The following ZSCAN25 variants were observed in gnomAD, a reference collection of about 807,000 sequenced individuals.
ZSCAN25 encodes zinc finger and SCAN domain containing 25, also known as zinc finger and SCAN domain-containing protein 25.
Under a neutral mutation model 38.7 loss-of-function variants are expected in ZSCAN25, and 27 were observed. The observed-to-expected ratio is 0.70, with a 90% CI of 0.51 to 0.96. The LOEUF (loss-of-function observed/expected upper bound fraction) is 0.96. ZSCAN25 is among the 40% of genes least tolerant of loss of function. ZSCAN25 has a pLI of 0.00. For synonymous variants in ZSCAN25, 273 were observed against 277.7 expected (o/e 0.98, Z 0.17); for missense variants, 637 against 705.9 (o/e 0.90, Z 1.11).
the ZSCAN25 span, chr7:99,705,431 G>A: frequency 6.5e-7 from 1 of 1,538,238 alleles, no homozygotes; most frequent in Non-Finnish European, 9.0e-7. Context: ...TATTTGTAAA[G>A]TAATTTGAGG....
the ZSCAN25 span, chr7:99,685,340 T>C: frequency 4.8e-6 from 7 of 1,450,118 alleles, no homozygotes; most frequent in African/African-American, 9.8e-5. Context: ...GCACATAGTT[T>C]GTGACCATTA....
At chr7:99,698,803 C>T in the ZSCAN25 span, among the ~76,000 whole-genome samples, 6 of 152,070 alleles carry the variant, frequency 3.9e-5, no homozygotes, top group African/African-American at 7.2e-5. Flanking sequence ...CCAAAAAATT[C>T]TGATTTAAAA....
the ZSCAN25 span, chr7:99,720,330 C>G: frequency 6.2e-7 from 1 of 1,613,214 alleles, no homozygotes; most frequent in Non-Finnish European, 8.5e-7. Context: ...TTTGTGAAGA[C>G]AGAATAACAT....
chr7:99,717,180 T>A, the ZSCAN25 span: 1 of 1,613,830 alleles, frequency 6.2e-7, no homozygotes, highest in South Asian at 1.1e-5. Flanking sequence ...TACTTACTGT[T>A]TCAAGGTGAC....
chr7:99,695,836 A>G, the ZSCAN25 span: 40 of 1,613,328 alleles, frequency 2.5e-5, 1 homozygote, highest in Non-Finnish European at 1.3e-5. Context: ...AATGGGCTCC[A>G]TATCTACAAA....
chr7:99,699,919 C>T, the ZSCAN25 span: 2 of 1,339,624 alleles, frequency 1.5e-6, no homozygotes, highest in Non-Finnish European at 2.1e-6. Flanking sequence ...GAGTAGCACC[C>T]CAAGTCCAAG....
At chr7:99,655,566 T>G in the ZSCAN25 span, among the ~76,000 whole-genome samples, 4 of 152,238 alleles carry the variant, frequency 2.6e-5, no homozygotes, top group Non-Finnish European at 4.4e-5. Context: ...ATGCGGGCTC[T>G]TTTTTGGTTC....
chr7:99,703,574 GTA>G, the ZSCAN25 span, among the ~76,000 whole-genome samples: 2 of 152,060 alleles, frequency 1.3e-5, no homozygotes, highest in Non-Finnish European at 2.9e-5. Flanking sequence ...ATCTAGAAGG[GTA>G]TGAATATACA....
chr7:99,629,246 G>T lies in ZSCAN25; in HGVS notation c.861G>T (p.Ala287=), dbSNP rs773315356. The T allele has an allele frequency of 3.7e-6, 6 of 1,614,042 alleles. No homozygotes were observed. The highest frequency in any genetic ancestry group is 5.1e-6 in the Non-Finnish European group (6 of 1,179,944). ...AKPPQEDLKG[A]LVALTSERFG... ...CCCCACAGGAAGACCTGAAAGGGGC[G>T]CTGGTGGCACTGACATCAGAGAGGT... The change falls in exon 8 of 8, where the codon GCG becomes GCT. Residue 287 remains alanine, a synonymous_variant. Transcript: ENST00000394152. This position sits in a 1 kb window ranked among gnomAD's most constrained non-coding sequence, Gnocchi z 5.6.
At chr7:99,620,616 A>G (rs1363511654) in intron 4 of ZSCAN25, 1 of 151,936 alleles carries the variant, frequency 6.6e-6, no homozygotes, top group Non-Finnish European at 1.5e-5. Context: ...TCCCGTGCAC[A>G]CTCTCGTCAC....
the ZSCAN25 span, among the ~76,000 whole-genome samples, chr7:99,649,843 G>T: frequency 6.6e-6 from 1 of 151,984 alleles, no homozygotes; most frequent in Non-Finnish European, 1.5e-5. Context: ...GGTTCAAAGA[G>T]ACTACACATA....
chr7:99,726,681 T>G, the ZSCAN25 span, among the ~76,000 whole-genome samples: 1 of 152,172 alleles, frequency 6.6e-6, no homozygotes, highest in Non-Finnish European at 1.5e-5. Context: ...CTCTCATGAT[T>G]TACTTTCTTC....
chr7:99,713,286 T>C, the ZSCAN25 span, among the ~76,000 whole-genome samples: 1 of 152,162 alleles, frequency 6.6e-6, no homozygotes, highest in Non-Finnish European at 1.5e-5. Context: ...GCTTAGAACA[T>C]GGCTATCTAT....
the ZSCAN25 span, among the ~76,000 whole-genome samples, chr7:99,706,795 C>G: frequency 2.0e-5 from 3 of 152,190 alleles, no homozygotes; most frequent in Non-Finnish European, 4.4e-5. Flanking sequence ...GCAAACCAAT[C>G]GACTGCATAT....
the ZSCAN25 span, among the ~76,000 whole-genome samples, chr7:99,664,401 A>G: frequency 2.0e-5 from 3 of 152,232 alleles, no homozygotes; most frequent in Non-Finnish European, 4.4e-5. Context: ...TTTTGGATTA[A>G]TGTAGACCAT....
At chr7:99,667,124 C>A in the ZSCAN25 span, 5 of 1,484,234 alleles carry the variant, frequency 3.4e-6, no homozygotes, top group Non-Finnish European at 4.7e-6. Context: ...CATGGTTGCA[C>A]AAAATATATT....
At chr7:99,648,868 TCCC>T in the ZSCAN25 span, among the ~76,000 whole-genome samples, 1 of 152,184 alleles carries the variant, frequency 6.6e-6, no homozygotes, top group African/African-American at 2.4e-5. Context: ...TAGTAACCCT[TCCC>T]AGTTGAACCC....
chr7:99,619,401 A>T (rs1009208665), intron 3 of ZSCAN25, 160 bp from the exon 4 acceptor site: 17 of 595,204 alleles, frequency 2.9e-5, no homozygotes, highest in Non-Finnish European at 4.8e-5. Context: ...TGCTTAGCAA[A>T]TGATTACTAT....
At chr7:99,722,268 A>G in the ZSCAN25 span, 1 of 1,613,438 alleles carries the variant, frequency 6.2e-7, no homozygotes. Flanking sequence ...AAACAAGTCT[A>G]TCCAATGGAA....
Sources: gnomAD v4.1 joint callset for allele counts (sites outside exome capture counted in the v4.1 genomes callset) on GRCh38, gnomAD v4.1.1 for gene constraint, Gnocchi (gnomAD v3.1) non-coding constraint, MANE v1.5 for transcripts, NCBI Gene and HGNC (gene_info 2026-07-23, HGNC 2026-07-21) for gene names.